The following STAG1 variants were observed in gnomAD, a reference collection of about 807,000 sequenced individuals.
The protein encoded by STAG1 is STAG1 cohesin complex component, also known as cohesin subunit SA-1.
In STAG1, 26 loss-of-function variants were observed where a neutral mutation model predicts 170.9. The ratio of observed to expected loss-of-function variants is 0.15; its 90% CI spans 0.11 to 0.21. The LOEUF (loss-of-function observed/expected upper bound fraction) is 0.21. STAG1 is among the 10% of genes least tolerant of loss of function. STAG1 has a pLI of 1.00. For synonymous variants in STAG1, 514 were observed against 497.7 expected (o/e 1.03, Z -0.44); for missense variants, 964 against 1,509.5 (o/e 0.64, Z 5.99).
intron 5 of STAG1, among the ~76,000 whole-genome samples, chr3:136,547,764 G>A (rs543031173): frequency 3.6e-4 from 54 of 152,082 alleles, no homozygotes; most frequent in South Asian, 6.2e-4. Context: ...ACTTTTTGGT[G>A]TTATTCCCAT....
chr3:136,684,562 C>A (rs1025352590), intron 1 of STAG1, among the ~76,000 whole-genome samples: 1 of 152,042 alleles, frequency 6.6e-6, no homozygotes, highest in Non-Finnish European at 1.5e-5. Flanking sequence ...CCAGCCTGGT[C>A]AACATGGTGA....
intron 1 of STAG1, among the ~76,000 whole-genome samples, chr3:136,744,673 CTTTTTT>C (rs34241550): frequency 1.7e-5 from 2 of 117,478 alleles, no homozygotes; most frequent in African/African-American, 6.5e-5. Flanking sequence ...CTGCAACCAT[CTTTTTT>C]TTTTTTTTTT....
At chr3:136,428,345 C>G (rs1016760286) in intron 16 of STAG1, among the ~76,000 whole-genome samples, 3 of 152,202 alleles carry the variant, frequency 2.0e-5, no homozygotes, top group African/African-American at 7.2e-5. Flanking sequence ...TTGGTTTACA[C>G]TGACGCTGTA....
At chr3:136,747,123 A>AAAAAAG (rs1934978649) in intron 1 of STAG1, among the ~76,000 whole-genome samples, 1 of 143,572 alleles carries the variant, frequency 7.0e-6, no homozygotes, top group Non-Finnish European at 1.5e-5. Context: ...AAAAAAAAAA[A>AAAAAAG]TTAGCCGGGC....
At chr3:136,570,191 C>G (rs112720326) in intron 4 of STAG1, among the ~76,000 whole-genome samples, 7 of 152,226 alleles carry the variant, frequency 4.6e-5, no homozygotes, top group African/African-American at 1.4e-4. Flanking sequence ...AACAGGCTCC[C>G]TTATGTTGCT....
intron 1 of STAG1, among the ~76,000 whole-genome samples, chr3:136,741,019 T>C (rs1934640993): frequency 6.6e-6 from 1 of 152,208 alleles, no homozygotes; most frequent in Non-Finnish European, 1.5e-5. Flanking sequence ...ATGGAGTCTC[T>C]TGATTTTCTG....
intron 1 of STAG1, among the ~76,000 whole-genome samples, chr3:136,719,195 G>A (rs939348127): frequency 6.6e-6 from 1 of 151,938 alleles, no homozygotes; most frequent in Non-Finnish European, 1.5e-5. Flanking sequence ...CAAAATACAA[G>A]AAAGTATTGA....
At chr3:136,634,847 G>C (rs1043720128) in intron 1 of STAG1, among the ~76,000 whole-genome samples, 17 of 151,210 alleles carry the variant, frequency 1.1e-4, no homozygotes. Flanking sequence ...AGAGAGAAGG[G>C]GCAAAAGAAT....
intron 1 of STAG1, among the ~76,000 whole-genome samples, chr3:136,651,894 T>C (rs1164925737): frequency 1.3e-5 from 2 of 152,142 alleles, no homozygotes; most frequent in Non-Finnish European, 2.9e-5. Flanking sequence ...GTGAATAATA[T>C]TTATGATCAC....
intron 23 of STAG1, among the ~76,000 whole-genome samples, chr3:136,377,376 G>C (rs1195979236): frequency 3.7e-3 from 5 of 1,336 alleles, no homozygotes; most frequent in Non-Finnish European, 1.3e-3. Flanking sequence ...GACAGAGCGA[G>C]ACTCTGTCTC....
At chr3:136,475,254 C>G (rs549012260) in intron 10 of STAG1, among the ~76,000 whole-genome samples, 1 of 143,574 alleles carries the variant, frequency 7.0e-6, no homozygotes, top group Non-Finnish European at 1.5e-5. Flanking sequence ...TCAAGTGATT[C>G]TCTTGTCTCA....
At chr3:136,678,795 T>C (rs116174764) in intron 1 of STAG1, among the ~76,000 whole-genome samples, 2,333 of 147,904 alleles carry the variant, frequency 0.016, 69 homozygotes, top group African/African-American at 0.056. Context: ...GGATAATCAC[T>C]TGAGGCCAGG....
intron 15 of STAG1, among the ~76,000 whole-genome samples, chr3:136,435,649 A>G (rs2088438057): frequency 6.6e-6 from 1 of 151,630 alleles, no homozygotes; most frequent in African/African-American, 2.4e-5. Flanking sequence ...CTTCACATAG[A>G]TTCTATACTT....
chr3:136,468,466 G>C (rs1475554915), intron 12 of STAG1, among the ~76,000 whole-genome samples: 1 of 152,120 alleles, frequency 6.6e-6, no homozygotes, highest in African/African-American at 2.4e-5. Flanking sequence ...GGAAGAAGCT[G>C]AATCCCTGAA....
At chr3:136,525,068 T>C (rs1473577623) in intron 6 of STAG1, among the ~76,000 whole-genome samples, 2 of 152,212 alleles carry the variant, frequency 1.3e-5, no homozygotes, top group African/African-American at 2.4e-5. Flanking sequence ...TTTTTTGTTA[T>C]GTCTCTGCCA....
At chr3:136,677,206 T>A (rs1942153125) in intron 1 of STAG1, among the ~76,000 whole-genome samples, 1 of 152,202 alleles carries the variant, frequency 6.6e-6, no homozygotes, top group South Asian at 2.1e-4. Flanking sequence ...TATATGTAAT[T>A]GTATACGTCC....
At chr3:136,699,959 C>G (rs1943002862) in intron 1 of STAG1, among the ~76,000 whole-genome samples, 2 of 151,970 alleles carry the variant, frequency 1.3e-5, no homozygotes, top group African/African-American at 4.8e-5. Context: ...CCCAAGGAGC[C>G]ATATCACATG....
intron 9 of STAG1, among the ~76,000 whole-genome samples, chr3:136,484,153 C>A (rs2089950249): frequency 6.8e-6 from 1 of 147,986 alleles, no homozygotes. Flanking sequence ...AGGAGAGGCG[C>A]TCTGCGTTTT....
chr3:136,656,221 A>G (rs1049099837), intron 1 of STAG1, among the ~76,000 whole-genome samples: 6 of 152,134 alleles, frequency 3.9e-5, no homozygotes, highest in Non-Finnish European at 5.9e-5. Flanking sequence ...ACTTAAGAGT[A>G]ATTAAATTCA....
Sources: allele counts gnomAD v4.1 joint callset (sites outside exome capture counted in the v4.1 genomes callset), GRCh38; gene constraint gnomAD v4.1.1; transcripts MANE v1.5; gene names NCBI Gene and HGNC (gene_info 2026-07-23, HGNC 2026-07-21).